Variants in COG7 observed in about 807,000 individuals in gnomAD.
COG7 encodes the protein conserved oligomeric Golgi complex subunit 7.
Under a neutral mutation model 91.5 loss-of-function variants are expected in COG7, and 49 were observed. The ratio of observed to expected loss-of-function variants is 0.54; its 90% CI spans 0.43 to 0.68. COG7 has a LOEUF of 0.68. Ranked by LOEUF, COG7 falls within the 30% of genes least tolerant of loss-of-function variation. COG7 has a pLI of 0.00. For missense variants in COG7, 895 were observed against 961.3 expected (o/e 0.93, Z 0.91); for synonymous variants, 365 against 388.7 (o/e 0.94, Z 0.72).
chr16:23,402,925 A>T (rs1963401334), intron 13 of COG7, among the ~76,000 whole-genome samples: 2 of 152,196 alleles, frequency 1.3e-5, no homozygotes, highest in African/African-American at 4.8e-5. Context: ...CAGAAAGGAG[A>T]GCACGTTTGA....
chr16:23,451,425 T>C (rs1446650099), intron 1 of COG7, among the ~76,000 whole-genome samples: 1 of 152,146 alleles, frequency 6.6e-6, no homozygotes, highest in Non-Finnish European at 1.5e-5. Flanking sequence ...CCTCAACAAA[T>C]GGTTTAGGCC....
chr16:23,389,420 C>A (rs1963152301), intron 16 of COG7, among the ~76,000 whole-genome samples: 1 of 151,710 alleles, frequency 6.6e-6, no homozygotes, highest in Non-Finnish European at 1.5e-5. Flanking sequence ...CGCACACACA[C>A]TCACATGTAC....
chr16:23,449,706 A>C (rs1158699020), intron 1 of COG7, among the ~76,000 whole-genome samples: 1 of 146,792 alleles, frequency 6.8e-6, no homozygotes, highest in Non-Finnish European at 1.5e-5. Context: ...ACGCCATTGC[A>C]CTCCATCGCA....
chr16:23,442,560 C>A lies in COG7; in HGVS notation c.521G>T (p.Cys174Phe). 1.2e-6 allele frequency: 2 copies of A among 1,614,148 alleles called. No homozygotes were observed. The highest frequency in any genetic ancestry group is 1.7e-6 in the Non-Finnish European group (2 of 1,180,004). Residue 174 changes from cysteine to phenylalanine, a missense_variant, in exon 4 of 17, where the codon TGT (cysteine) becomes TTT (phenylalanine). Transcript: ENST00000307149. ...GTTCTTCAGTGCCTCCAAGTGCACACACTTTTCTGAGTAGTCTGGTGTATC... is the reference window on the plus strand; with the variant it reads ...GTTCTTCAGTGCCTCCAAGTGCACAAACTTTTCTGAGTAGTCTGGTGTATC... ...LVDTPDYSEKCVHLEALKNRL... is the reference protein window; with the variant it reads ...LVDTPDYSEKFVHLEALKNRL...
At chr16:23,452,756 G>A (rs1964284486) in intron 1 of COG7, 70 bp downstream of exon 1, 39 of 1,544,916 alleles carry the variant, frequency 2.5e-5, no homozygotes, top group Non-Finnish European at 3.2e-5. Flanking sequence ...AGTGCCTCAC[G>A]CAAGTTCGGT....
chr16:23,453,005 C>T lies in COG7; in HGVS notation c.-11G>A. The T allele has an allele frequency of 6.2e-7, 1 of 1,614,014 alleles. No homozygotes were observed. Among genetic ancestry groups the T allele is most frequent in the Non-Finnish European group, 8.5e-7 (1 of 1,179,944 alleles). On this transcript the variant is annotated 5_prime_UTR_variant, in exon 1 of 17. Transcript: ENST00000307149. ...CTTGGAGAAGTCCATGGCGGAACTG[C>T]CTCAGGCCTGGCGTCCAGAACTTAA... is the stretch of plus-strand genomic sequence containing the variant.
rs560439341 is a variant in COG7, at chr16:23,397,960, G to T, written c.1887+86C>A. 31 of 1,186,314 alleles carry T rather than the reference G, an allele frequency of 2.6e-5. No individual in the cohort carries two copies. The South Asian group carries it at 3.4e-4, about 13-fold the overall frequency. 73.5% of individuals were successfully genotyped at this position (1,186,314 alleles called of 1,614,324 possible). On this transcript the variant is annotated intron_variant, in intron 14 of 16. Coordinates refer to ENST00000307149, the MANE Select transcript of COG7 (RefSeq NM_153603.4). ...CAAAAGGGTCAGATAGCACCCATGG[G>T]GAAATGACTATAAGGGCAAGAATCA...
At chr16:23,416,930 A>G (rs758868248) in intron 9 of COG7, 37 bp downstream of exon 9, 3 of 1,613,884 alleles carry the variant, frequency 1.9e-6, no homozygotes, top group Middle Eastern at 1.6e-4. Context: ...ACACTGCTCC[A>G]ATGTGGCCCG....
intron 11 of COG7, among the ~76,000 whole-genome samples, chr16:23,409,286 T>G (rs1351674348): frequency 6.6e-6 from 1 of 152,188 alleles, no homozygotes; most frequent in Non-Finnish European, 1.5e-5. Flanking sequence ...CCAGCTCTTA[T>G]GATCACTTCT....
chr16:23,410,292 T>C lies in COG7; in HGVS notation c.1475+3A>G. 1.2e-5 allele frequency: 20 copies of C among 1,613,664 alleles called. No individual in the cohort carries two copies. Among genetic ancestry groups the C allele is most frequent in the Non-Finnish European group, 1.7e-5 (20 of 1,179,640 alleles). On this transcript the variant is annotated splice_donor_region_variant and intron_variant, in intron 11 of 16. Coordinates refer to ENST00000307149, the MANE Select transcript of COG7 (RefSeq NM_153603.4). ...GTAGAGGACAATGACTCCTCTCTCC[T>C]ACCTGTTGGCTAGCTGCTGCTCGAA...
In COG7 at chr16:23,393,257, T is replaced by C; in HGVS notation, c.1978A>G (p.Lys660Glu). ...SALELALHAG[K>E]LPFPPEQGDE... is the part of the protein sequence containing the mutation. Reference sequence around the variant, plus strand: ...CCCTGCTCAGGAGGAAATGGCAGCTTTCCAGCGTGCAATGCCAACTCTAAG... The same window carrying C: ...CCCTGCTCAGGAGGAAATGGCAGCTCTCCAGCGTGCAATGCCAACTCTAAG... Residue 660 changes from lysine (K) to glutamate (E), a missense_variant, in exon 15 of 17, where the codon AAG becomes GAG. Coordinates refer to ENST00000307149, the MANE Select transcript of COG7 (RefSeq NM_153603.4). 2.5e-6 allele frequency: 4 copies of C among 1,613,946 alleles called. No individual in the cohort carries two copies. The highest frequency in any genetic ancestry group is 3.4e-6 in the Non-Finnish European group (4 of 1,179,906).
At chr16:23,431,079 A>G (rs1214499262) in intron 6 of COG7, among the ~76,000 whole-genome samples, 1 of 152,180 alleles carries the variant, frequency 6.6e-6, no homozygotes, top group Admixed American at 6.5e-5. Flanking sequence ...GAACAGACAG[A>G]GACAGGGATA....
At chr16:23,445,727 T>TG (rs1596958035) in intron 2 of COG7, 86 bp downstream of exon 2, 1 of 1,349,270 alleles carries the variant, frequency 7.4e-7, no homozygotes, top group East Asian at 2.3e-5. Context: ...CAAAACACCG[T>TG]GCTGTTCTAA....
chr16:23,416,644 T>C, intron 9 of COG7: 1 of 370,354 alleles, frequency 2.7e-6, no homozygotes, highest in Non-Finnish European at 5.1e-6. Context: ...AAGGTCCTTT[T>C]TCTTGTTCAA....
intron 16 of COG7, among the ~76,000 whole-genome samples, chr16:23,389,569 C>T (rs888238949): frequency 1.2e-4 from 18 of 152,190 alleles, no homozygotes; most frequent in African/African-American, 4.3e-4. Flanking sequence ...CCCTGGCCCC[C>T]AGGGTATCCA....
intron 6 of COG7, among the ~76,000 whole-genome samples, chr16:23,429,696 G>A (rs572852147): frequency 9.2e-5 from 14 of 152,194 alleles, no homozygotes; most frequent in East Asian, 5.8e-4. Flanking sequence ...CCTGGGAAGC[G>A]GAGGTTGCAG....
At chr16:23,400,356 C>T (rs994252445) in intron 13 of COG7, among the ~76,000 whole-genome samples, 1 of 152,254 alleles carries the variant, frequency 6.6e-6, no homozygotes, top group African/African-American at 2.4e-5. Flanking sequence ...GAAGGGACAG[C>T]AATCCTTGGT....
intron 11 of COG7, among the ~76,000 whole-genome samples, chr16:23,409,504 C>T (rs1963528729): frequency 6.6e-6 from 1 of 152,156 alleles, no homozygotes; most frequent in African/African-American, 2.4e-5. Flanking sequence ...AAAATTTCAT[C>T]ACCCAGAGAT....
intron 7 of COG7, among the ~76,000 whole-genome samples, chr16:23,419,656 G>T (rs1371092186): frequency 6.7e-6 from 1 of 149,124 alleles, no homozygotes; most frequent in Admixed American, 6.7e-5. Context: ...GGCTGAGGCA[G>T]GAGAATTGCT....
Sources: allele counts gnomAD v4.1 joint callset (sites outside exome capture counted in the v4.1 genomes callset), GRCh38; gene constraint gnomAD v4.1.1; transcripts MANE v1.5; gene names NCBI Gene and HGNC (gene_info 2026-07-23, HGNC 2026-07-21).